Variants in CCND2 observed in about 807,000 individuals in gnomAD.
CCND2 encodes the protein G1/S-specific cyclin-D2.
A neutral mutation model predicts 30.2 loss-of-function variants in CCND2; 6 were observed. The ratio of observed to expected loss-of-function variants is 0.20; its 90% confidence interval spans 0.11 to 0.39. CCND2 has a LOEUF of 0.39. Among genes scored for constraint, CCND2 ranks in the 10% least tolerant of loss-of-function variants. The probability of loss-of-function intolerance (pLI) is 1.00; values close to 1 mark genes in which losing one functional copy is unlikely to be tolerated. For synonymous variants in CCND2, 150 were observed against 153.1 expected (o/e 0.98, Z 0.15); for missense variants, 235 against 373.4 (o/e 0.63, Z 3.06).
chr12:4,276,230 G>C lies in CCND2; in HGVS notation c.411+10G>C, dbSNP rs771688425. On this transcript the variant is annotated intron_variant, in intron 2 of 4. Coordinates refer to ENST00000261254, the MANE Select transcript of CCND2 (RefSeq NM_001759.4). The surrounding 1 kb of genome is among the most constrained non-coding windows in gnomAD (Gnocchi z 4.8). ...GCCTCAGGAGCTGCTGGTAATGACC[G>C]GCCCCTTCCTCCCTTCCTTTCTGCG... 2 of 1,605,728 alleles carry C rather than the reference G, an allele frequency of 1.2e-6. No individual in the cohort carries two copies. The highest frequency in any genetic ancestry group is 1.7e-6 in the Non-Finnish European group (2 of 1,173,012).
intron 4 of CCND2, chr12:4,297,664 T>C (rs533764450): frequency 1.1e-5 from 2 of 190,270 alleles, no homozygotes; most frequent in South Asian, 1.7e-4. Flanking sequence ...ATGAGGATAA[T>C]GCTGCCACAT....
intron 4 of CCND2, 182 bp downstream of exon 4, chr12:4,289,172 A>C: frequency 5.2e-6 from 1 of 192,164 alleles, no homozygotes; most frequent in Non-Finnish European, 1.0e-5. Context: ...AAAGCTGTGC[A>C]CGGGAAAATA....
intron 4 of CCND2, among the ~76,000 whole-genome samples, chr12:4,289,858 C>A (rs955711285): frequency 1.3e-5 from 2 of 152,136 alleles, no homozygotes; most frequent in African/African-American, 4.8e-5. Context: ...GGGCTAGAAC[C>A]CCCAGGCTCC....
At position 4,282,598 on chromosome 12, in the gene CCND2, C is replaced by T. The variant is rs1449386396; in HGVS notation, c.571+3679C>T. Among the ~76,000 whole-genome samples the T allele has an allele frequency of 3.3e-5, 5 of 152,184 alleles. No homozygotes were observed. Among genetic ancestry groups the T allele is most frequent in the South Asian group, 2.1e-4 (1 of 4,828 alleles). ...AGTCTCTGAGCTACCCCTGAAGCCG[C>T]GAGGTCATGGGACTGAGGGGGAGTC... On this transcript the variant is annotated intron_variant, in intron 3 of 4. Transcript: ENST00000261254. The surrounding 1 kb of genome is among the most constrained non-coding windows in gnomAD (Gnocchi z 4.3).
At chr12:4,289,485 C>T (rs1864068344) in intron 4 of CCND2, among the ~76,000 whole-genome samples, 1 of 152,144 alleles carries the variant, frequency 6.6e-6, no homozygotes, top group South Asian at 2.1e-4. Context: ...CTCGACCCCT[C>T]CCCGCTCTCT....
intron 3 of CCND2, among the ~76,000 whole-genome samples, chr12:4,283,272 T>G (rs1018972863): frequency 6.6e-6 from 1 of 152,218 alleles, no homozygotes; most frequent in African/African-American, 2.4e-5. Flanking sequence ...ATAAGCCTTT[T>G]GTGCTTGCTG....
rs892696852 is a variant in CCND2 at position 4,303,083 on chromosome 12, A to G, written c.*3074A>G. ...TGGTGACTGACCCTTGAGCTTAAAC[A>G]GAAGCAGCAAATGAAAGAACCGGAC... On this transcript the variant is annotated 3_prime_UTR_variant, in exon 5 of 5. Transcript: ENST00000261254. The surrounding 1 kb of genome is among the most constrained non-coding windows in gnomAD (Gnocchi z 4.6). The G allele has an allele frequency of 1.7e-5, 4 of 233,178 alleles. No homozygotes were observed. The highest frequency in any genetic ancestry group is 8.8e-5 in the African/African-American group (4 of 45,336). The allele number at this position is 233,178 out of a possible 1,614,324, so 14.4% of individuals were successfully genotyped here.
At position 4,303,004 on chromosome 12, in the gene CCND2, G is replaced by A. The variant is rs1428311935; in HGVS notation, c.*2995G>A. The stretch of plus-strand genomic sequence containing the variant: ...CGGAATGGGGAAAGCGGGAACCCTG[G>A]AGTTCTTGGGAATCTTGGAGCCTAA... On this transcript the variant is annotated 3_prime_UTR_variant, in exon 5 of 5. Coordinates refer to ENST00000261254, the MANE Select transcript of CCND2 (RefSeq NM_001759.4). This position sits in a 1 kb window ranked among gnomAD's most constrained non-coding sequence, Gnocchi z 4.6. 2.6e-5 allele frequency: 6 copies of A among 233,232 alleles called. No homozygotes were observed. The highest frequency in any genetic ancestry group is 8.8e-5 in the African/African-American group (4 of 45,352). 14.4% of individuals were successfully genotyped at this position (233,232 alleles called of 1,614,324 possible). A position where few individuals can be genotyped will look rare whatever the true frequency, so the allele number is the denominator to read the frequency against.
Position 4,285,119 on chromosome 12 carries a change from C to T in CCND2, c.572-3723C>T, listed in dbSNP as rs1253584029. On this transcript the variant is annotated intron_variant, in intron 3 of 4. Coordinates refer to ENST00000261254, the MANE Select transcript of CCND2 (RefSeq NM_001759.4). This position sits in a 1 kb window ranked among gnomAD's most constrained non-coding sequence, Gnocchi z 4.1. The stretch of plus-strand genomic sequence containing the variant: ...CCTAGCCATTATAGCACACCATCCT[C>T]TACTATCTAATGCATTGATGCCCAG... 2.0e-5 allele frequency among the ~76,000 whole-genome samples: 3 copies of T among 152,210 alleles called. No individual in the cohort carries two copies. The highest frequency in any genetic ancestry group is 7.2e-5 in the African/African-American group (3 of 41,464).
chr12:4,286,015 T>C (rs1387198711), intron 3 of CCND2, among the ~76,000 whole-genome samples: 1 of 152,184 alleles, frequency 6.6e-6, no homozygotes, highest in Admixed American at 6.5e-5. Flanking sequence ...AAGAGCAAAG[T>C]AGACCTGTAA....
intron 4 of CCND2, among the ~76,000 whole-genome samples, chr12:4,295,934 A>G (rs1046434428): frequency 7.9e-5 from 12 of 152,214 alleles, no homozygotes; most frequent in African/African-American, 2.4e-4. Context: ...AACTTACATA[A>G]AACACTACTG....
At chr12:4,283,472 C>T (rs1022531524) in intron 3 of CCND2, among the ~76,000 whole-genome samples, 3 of 152,212 alleles carry the variant, frequency 2.0e-5, no homozygotes, top group Non-Finnish European at 2.9e-5. Flanking sequence ...CTCAAAGTCT[C>T]ATCCGGATCC....
chr12:4,292,378 T>G (rs1306236743), intron 4 of CCND2, among the ~76,000 whole-genome samples: 1 of 152,124 alleles, frequency 6.6e-6, no homozygotes, highest in East Asian at 1.9e-4. Context: ...TGTCAGCTCC[T>G]ACACACCTTG....
rs950539774 is a variant in CCND2 at position 4,274,642 on chromosome 12, C to G, written c.195+407C>G. ...AGAAAGGCAACCCCCCCCAAAAGGCCAGAGCAAATTCGTCTTGGCCTCAGG... is the reference window on the plus strand; with the variant it reads ...AGAAAGGCAACCCCCCCCAAAAGGCGAGAGCAAATTCGTCTTGGCCTCAGG... On this transcript the variant is annotated intron_variant, in intron 1 of 4. Transcript: ENST00000261254. The surrounding 1 kb of genome is among the most constrained non-coding windows in gnomAD (Gnocchi z 7.7). Among the ~76,000 whole-genome samples, 18 of 152,190 alleles carry G rather than the reference C, an allele frequency of 1.2e-4. No homozygotes were observed. The highest frequency in any genetic ancestry group is 4.1e-4 in the South Asian group (2 of 4,824).
intron 4 of CCND2, among the ~76,000 whole-genome samples, chr12:4,289,563 C>G (rs1864069657): frequency 6.6e-6 from 1 of 152,348 alleles, no homozygotes; most frequent in Admixed American, 6.5e-5. Flanking sequence ...CATACAAACT[C>G]AAGAAACTAT....
chr12:4,298,941 T>G (rs2120590506), intron 4 of CCND2, among the ~76,000 whole-genome samples: 1 of 152,346 alleles, frequency 6.6e-6, no homozygotes, highest in African/African-American at 2.4e-5. Context: ...AAAGCAAGGC[T>G]GCATATTCTT....
chr12:4,287,950 C>T lies in CCND2; in HGVS notation c.572-892C>T, dbSNP rs1864045929. On this transcript the variant is annotated intron_variant, in intron 3 of 4. Transcript: ENST00000261254. The surrounding 1 kb of genome is among the most constrained non-coding windows in gnomAD (Gnocchi z 4.0). ...GTTCAAGCCCCTCTGATTTATTATC[C>T]TCATTCTGCACTTCCCTGTAGCAAG... 6.6e-6 allele frequency among the ~76,000 whole-genome samples: 1 copy of T among 152,188 alleles called. No individual in the cohort carries two copies. Among genetic ancestry groups the T allele is most frequent in the Non-Finnish European group, 1.5e-5 (1 of 68,024 alleles).
intron 3 of CCND2, among the ~76,000 whole-genome samples, chr12:4,284,324 G>A (rs1451023325): frequency 6.6e-6 from 1 of 152,236 alleles, no homozygotes; most frequent in Non-Finnish European, 1.5e-5. Context: ...GAGAGGTCAG[G>A]TAACTTGCTC....
chr12:4,286,341 G>A (rs574450386), intron 3 of CCND2, among the ~76,000 whole-genome samples: 1 of 152,216 alleles, frequency 6.6e-6, no homozygotes, highest in Non-Finnish European at 1.5e-5. Flanking sequence ...AGACAAATGG[G>A]AAACCAAGCC....
Sources: allele counts gnomAD v4.1 joint callset (sites outside exome capture counted in the v4.1 genomes callset), GRCh38; gene constraint gnomAD v4.1.1; non-coding constraint Gnocchi (gnomAD v3.1); transcripts MANE v1.5; gene names NCBI Gene and HGNC (gene_info 2026-07-23, HGNC 2026-07-21).